The following CD53 variants were observed in gnomAD, a reference collection of about 807,000 sequenced individuals.
CD53 encodes CD53 molecule, also known as leukocyte surface antigen CD53.
In CD53, 20 loss-of-function variants were observed where a neutral mutation model predicts 27.3. The observed-to-expected ratio is 0.73, with a 90% CI of 0.52 to 1.07. The LOEUF (loss-of-function observed/expected upper bound fraction) is 1.07. CD53 is among the 50% of genes least tolerant of loss of function. The probability of loss-of-function intolerance (pLI) is 0.00; values close to 1 mark genes in which losing one functional copy is unlikely to be tolerated. For missense variants in CD53, 216 were observed against 264.0 expected (o/e 0.82, Z 1.26); for synonymous variants, 106 against 105.3 (o/e 1.01, Z -0.04).
chr1:110,891,458 A>G lies in CD53; in HGVS notation c.50A>G (p.Asn17Ser), dbSNP rs1196039717. ...CTGAAGTATGTCCTGTTTTTCTTCA[A>G]CTTGCTCTTTTGGGTAAGTGTATCT... is the stretch of plus-strand genomic sequence containing the variant. ...KLLKYVLFFF[N>S]LLFWICGCCI... Residue 17 changes from asparagine (N) to serine (S), a missense_variant, in exon 2 of 8, where the codon AAC (asparagine) becomes AGC (serine). Coordinates refer to ENST00000271324, the MANE Select transcript of CD53 (RefSeq NM_000560.4). The G allele has an allele frequency of 2.5e-6, 4 of 1,613,488 alleles. No individual in the cohort carries two copies. Among genetic ancestry groups the G allele is most frequent in the African/African-American group, 1.3e-5 (1 of 74,908 alleles).
intron 1 of CD53, among the ~76,000 whole-genome samples, chr1:110,885,430 C>T (rs926771037): frequency 3.5e-4 from 53 of 152,140 alleles, no homozygotes; most frequent in Middle Eastern, 3.4e-3. Flanking sequence ...CCTAGCCACT[C>T]GGGAGGCTGA....
At chr1:110,879,695 G>A (rs1188091468) in intron 1 of CD53, among the ~76,000 whole-genome samples, 1 of 152,046 alleles carries the variant, frequency 6.6e-6, no homozygotes, top group African/African-American at 2.4e-5. Context: ...AGATAAGGCT[G>A]AAGATGAAGA....
chr1:110,886,846 A>AATATATATATATATAT (rs1553203678), intron 1 of CD53, among the ~76,000 whole-genome samples: 7 of 101,012 alleles, frequency 6.9e-5, no homozygotes, highest in African/African-American at 2.2e-4. Flanking sequence ...CTCTGTCTCC[A>AATATATATATATATAT]ATATATATAT....
chr1:110,876,141 A>C (rs1225393685), intron 1 of CD53, among the ~76,000 whole-genome samples: 2 of 152,254 alleles, frequency 1.3e-5, no homozygotes, highest in Non-Finnish European at 2.9e-5. Flanking sequence ...AAAGTATCTT[A>C]ACTCACAATG....
At chr1:110,880,821 C>T (rs1656325814) in intron 1 of CD53, among the ~76,000 whole-genome samples, 1 of 152,082 alleles carries the variant, frequency 6.6e-6, no homozygotes, top group African/African-American at 2.4e-5. Context: ...AGTACAATGG[C>T]AGAGGTACAC....
chr1:110,894,169 C>T lies in CD53; in HGVS notation c.253-158C>T. The T allele has an allele frequency of 4.6e-6, 3 of 645,884 alleles. No individual in the cohort carries two copies. In the South Asian group the frequency reaches 5.5e-5, roughly 12 times the overall value. 40.0% of individuals were successfully genotyped at this position (645,884 alleles called of 1,614,324 possible). A position where few individuals can be genotyped will look rare whatever the true frequency, so the allele number is the denominator to read the frequency against. ...AGAGTCTAATTGTAGAAAAAGAACA[C>T]ATATTTTCACAAAACAAAAGAAGGC... On this transcript the variant is annotated intron_variant, in intron 3 of 7. Transcript: ENST00000271324.
chr1:110,892,099 C>T (rs1190429950), intron 2 of CD53, among the ~76,000 whole-genome samples: 1 of 152,162 alleles, frequency 6.6e-6, no homozygotes, highest in Admixed American at 6.5e-5. Context: ...CTGTGTGGCT[C>T]ACAGAAGTGA....
chr1:110,898,518 C>T (rs777995385), intron 7 of CD53, among the ~76,000 whole-genome samples: 4 of 151,872 alleles, frequency 2.6e-5, no homozygotes, highest in African/African-American at 9.7e-5. Context: ...CTGAAAAATA[C>T]GAATTGATAA....
chr1:110,894,292 A>T, intron 3 of CD53, 35 bp from the exon 4 acceptor site: 1 of 1,586,456 alleles, frequency 6.3e-7, no homozygotes, highest in Non-Finnish European at 8.7e-7. Flanking sequence ...GAGAATGGGG[A>T]TCAGTGCTGT....
At chr1:110,893,490 T>C (rs117202615) in intron 3 of CD53, among the ~76,000 whole-genome samples, 2 of 152,260 alleles carry the variant, frequency 1.3e-5, no homozygotes, top group East Asian at 3.9e-4. Context: ...GTCCGGCTAA[T>C]TCTGAATTTT....
chr1:110,876,311 T>C (rs188522326), intron 1 of CD53, among the ~76,000 whole-genome samples: 1 of 152,324 alleles, frequency 6.6e-6, no homozygotes, highest in East Asian at 1.9e-4. Flanking sequence ...GTCCCTTTTC[T>C]AAGAGATTTT....
intron 1 of CD53, among the ~76,000 whole-genome samples, chr1:110,874,477 A>C (rs10494122): frequency 0.23 from 34,607 of 152,134 alleles, 4,645 homozygotes; most frequent in Middle Eastern, 0.39. Flanking sequence ...AAGAGATATC[A>C]TACTATGCGT....
intron 5 of CD53, among the ~76,000 whole-genome samples, chr1:110,895,612 G>A (rs1254659251): frequency 1.3e-5 from 2 of 152,210 alleles, no homozygotes; most frequent in Non-Finnish European, 2.9e-5. Flanking sequence ...GCTTAGTGTG[G>A]AGTAGAAGAA....
chr1:110,880,752 C>G (rs1656323583), intron 1 of CD53, among the ~76,000 whole-genome samples: 1 of 152,088 alleles, frequency 6.6e-6, no homozygotes, highest in Non-Finnish European at 1.5e-5. Context: ...AGCATAGATC[C>G]TACCCTCAAG....
At chr1:110,875,677 C>A (rs114484138) in intron 1 of CD53, among the ~76,000 whole-genome samples, 2 of 152,220 alleles carry the variant, frequency 1.3e-5, no homozygotes, top group African/African-American at 4.8e-5. Flanking sequence ...GACCCATCTG[C>A]CACTGCAGGT....
Position 110,892,547 on chromosome 1 carries a change from G to A in CD53, c.252+14G>A, listed in dbSNP as rs1656896948. 1.2e-6 allele frequency: 2 copies of A among 1,601,660 alleles called. No individual in the cohort carries two copies. Among genetic ancestry groups the A allele is most frequent in the Admixed American group, 1.7e-5 (1 of 59,106 alleles). On this transcript the variant is annotated intron_variant, in intron 3 of 7. Coordinates refer to ENST00000271324, the MANE Select transcript of CD53 (RefSeq NM_000560.4). ...CTGCTTATGTCGGTGAGTCCTTACA[G>A]CAGATGTGGTGCCCCAAGTCGGGGA...
chr1:110,891,486 T>C lies in CD53; in HGVS notation c.63+15T>C. Reference sequence around the variant, plus strand: ...TGCTCTTTTGGGTAAGTGTATCTCTTCTGAGCACGGTTTAGCTCACCTTTA... The same window carrying C: ...TGCTCTTTTGGGTAAGTGTATCTCTCCTGAGCACGGTTTAGCTCACCTTTA... On this transcript the variant is annotated intron_variant, in intron 2 of 7. Transcript: ENST00000271324. 1 of 1,605,202 alleles carries C rather than the reference T, an allele frequency of 6.2e-7. No homozygotes were observed. Among genetic ancestry groups the C allele is most frequent in the East Asian group, 2.2e-5 (1 of 44,836 alleles).
chr1:110,888,964 G>A (rs1656738073), intron 1 of CD53, among the ~76,000 whole-genome samples: 1 of 152,090 alleles, frequency 6.6e-6, no homozygotes, highest in Non-Finnish European at 1.5e-5. Flanking sequence ...GCAAATCTTT[G>A]CATCTTCATG....
intron 1 of CD53, among the ~76,000 whole-genome samples, chr1:110,881,386 C>T (rs1041134945): frequency 1.3e-5 from 2 of 152,128 alleles, no homozygotes; most frequent in African/African-American, 4.8e-5. Context: ...CTCTTTCACT[C>T]ACCATGATTA....
Sources: allele counts gnomAD v4.1 joint callset (sites outside exome capture counted in the v4.1 genomes callset), GRCh38; gene constraint gnomAD v4.1.1; transcripts MANE v1.5; gene names NCBI Gene and HGNC (gene_info 2026-07-23, HGNC 2026-07-21).